CSMD1: variants seen among roughly 807,000 people sequenced by gnomAD.
CSMD1 encodes CUB and sushi domain-containing protein 1.
CSMD1 carries 213 observed loss-of-function variants against 417.5 expected under a neutral mutation model. The observed-to-expected ratio is 0.51, with a 90% confidence interval of 0.46 to 0.57. The LOEUF is 0.57. Among genes scored for constraint, CSMD1 ranks in the 20% least tolerant of loss-of-function variants. CSMD1 has a pLI of 0.00. For missense variants in CSMD1, 6,923 were observed against 4,529.7 expected (o/e 1.53, Z -15.17); for synonymous variants, 2,862 against 1,736.8 (o/e 1.65, Z -16.11).
intron 12 of CSMD1, among the ~76,000 whole-genome samples, chr8:3,457,298 C>T (rs1330143576): frequency 3.9e-5 from 6 of 152,146 alleles, no homozygotes; most frequent in African/African-American, 9.7e-5. Flanking sequence ...CCTCATCCTA[C>T]ACTCCCTGAC....
At chr8:3,854,313 T>G (rs1016655698) in intron 5 of CSMD1, among the ~76,000 whole-genome samples, 2 of 151,894 alleles carry the variant, frequency 1.3e-5, no homozygotes, top group Admixed American at 6.6e-5. Context: ...TAGTGTGCAC[T>G]GCCCTTTTTA....
chr8:3,260,587 C>A (rs1299936803), intron 26 of CSMD1, among the ~76,000 whole-genome samples: 1 of 151,810 alleles, frequency 6.6e-6, no homozygotes, highest in Admixed American at 6.6e-5. Context: ...GAACAAACCC[C>A]CCTCGAAGAG....
At chr8:4,569,209 G>T (rs546305202) in intron 2 of CSMD1, among the ~76,000 whole-genome samples, 1 of 152,274 alleles carries the variant, frequency 6.6e-6, no homozygotes, top group African/African-American at 2.4e-5. Context: ...TAGTCATGAA[G>T]TCTTTGCCCA....
At chr8:4,376,587 A>G (rs1431733034) in intron 3 of CSMD1, among the ~76,000 whole-genome samples, 2 of 151,786 alleles carry the variant, frequency 1.3e-5, no homozygotes, top group Non-Finnish European at 1.5e-5. Flanking sequence ...TACAACATTG[A>G]GTTAGTCTGA....
intron 10 of CSMD1, among the ~76,000 whole-genome samples, chr8:3,524,117 A>G (rs1353423151): frequency 6.6e-6 from 1 of 151,236 alleles, no homozygotes; most frequent in Non-Finnish European, 1.5e-5. Flanking sequence ...ATATGGACAT[A>G]TGTGCACATA....
intron 2 of CSMD1, among the ~76,000 whole-genome samples, chr8:4,432,790 T>C (rs1797940116): frequency 6.6e-6 from 1 of 152,194 alleles, no homozygotes; most frequent in Non-Finnish European, 1.5e-5. Flanking sequence ...AGCAGTAATT[T>C]TGGTTATTGA....
intron 1 of CSMD1, among the ~76,000 whole-genome samples, chr8:4,815,975 A>C (rs554496808): frequency 5.2e-4 from 79 of 152,246 alleles, no homozygotes; most frequent in African/African-American, 1.8e-3. Context: ...AAAATGAGAA[A>C]GGCATTCCAG....
At chr8:3,522,524 G>C (rs1454414466) in intron 10 of CSMD1, among the ~76,000 whole-genome samples, 1 of 152,056 alleles carries the variant, frequency 6.6e-6, no homozygotes, top group Non-Finnish European at 1.5e-5. Flanking sequence ...CTGGAACATT[G>C]GTAGCCCCCT....
Position 4,646,009 on chromosome 8 carries a change from C to T in CSMD1, c.86-8451G>A, listed in dbSNP as rs535602141. Among the ~76,000 whole-genome samples the T allele has an allele frequency of 1.9e-4, 29 of 152,302 alleles. No homozygotes were observed. In the South Asian group the frequency reaches 5.8e-3, roughly 31 times the overall value. ...AAAACAACAAGCACTGTTTTATTCA[C>T]GATTCCCAGATCTCACATCGATGTT... On this transcript the variant is annotated intron_variant, in intron 1 of 69. Transcript: ENST00000635120.
At chr8:3,082,083 A>G (rs78338108) in intron 49 of CSMD1, among the ~76,000 whole-genome samples, 1,772 of 151,986 alleles carry the variant, frequency 0.012, 31 homozygotes, top group African/African-American at 0.041. Context: ...GAGACTGTGG[A>G]CTCTGTTTCC....
At chr8:4,436,250 TAAATAA>T (rs1205434989) in intron 2 of CSMD1, among the ~76,000 whole-genome samples, 1 of 152,198 alleles carries the variant, frequency 6.6e-6, no homozygotes, top group East Asian at 1.9e-4. Context: ...AGTTCATACT[TAAATAA>T]AAATATTTTA....
At chr8:3,276,679 T>A (rs1245324852) in intron 26 of CSMD1, among the ~76,000 whole-genome samples, 1 of 152,132 alleles carries the variant, frequency 6.6e-6, no homozygotes, top group Non-Finnish European at 1.5e-5. Flanking sequence ...AGTTACATAT[T>A]TATTAAAGGC....
intron 51 of CSMD1, among the ~76,000 whole-genome samples, chr8:3,028,996 G>C (rs1160336846): frequency 6.6e-6 from 1 of 152,144 alleles, no homozygotes; most frequent in African/African-American, 2.4e-5. Flanking sequence ...TAGAACTCTT[G>C]AATAGTCTGT....
At chr8:4,424,945 G>A (rs985175743) in intron 2 of CSMD1, among the ~76,000 whole-genome samples, 2 of 151,694 alleles carry the variant, frequency 1.3e-5, no homozygotes, top group Non-Finnish European at 2.9e-5. Context: ...GAGACTGAGA[G>A]GTACTCAAGA....
At chr8:3,691,788 G>T (rs915955605) in intron 7 of CSMD1, among the ~76,000 whole-genome samples, 1 of 151,566 alleles carries the variant, frequency 6.6e-6, no homozygotes, top group Non-Finnish European at 1.5e-5. Flanking sequence ...ATTTCTCTTT[G>T]GTTTAAAAAA....
chr8:4,923,407 G>T (rs538387247), intron 1 of CSMD1, among the ~76,000 whole-genome samples: 6 of 152,236 alleles, frequency 3.9e-5, no homozygotes, highest in South Asian at 4.1e-4. Flanking sequence ...ATACTCAAAG[G>T]ATAAATGTTG....
chr8:4,441,300 G>C (rs1798466701), intron 2 of CSMD1, among the ~76,000 whole-genome samples: 2 of 139,642 alleles, frequency 1.4e-5, no homozygotes, highest in South Asian at 4.8e-4. Context: ...GGAGTAGAGA[G>C]GGAGGTCTCA....
chr8:4,304,536 C>T (rs1019007226), intron 3 of CSMD1, among the ~76,000 whole-genome samples: 2 of 152,168 alleles, frequency 1.3e-5, no homozygotes, highest in Non-Finnish European at 2.9e-5. Flanking sequence ...GGGCCACCTG[C>T]TAGCTCATCG....
At chr8:3,447,536 G>A (rs552137852) in intron 12 of CSMD1, among the ~76,000 whole-genome samples, 1 of 152,322 alleles carries the variant, frequency 6.6e-6, no homozygotes, top group East Asian at 1.9e-4. Flanking sequence ...GTGTGGGACA[G>A]GTGGCACCCG....
Sources: allele counts gnomAD v4.1 joint callset (sites outside exome capture counted in the v4.1 genomes callset), GRCh38; gene constraint gnomAD v4.1.1; transcripts MANE v1.5; gene names NCBI Gene and HGNC (gene_info 2026-07-23, HGNC 2026-07-21).